The following ERICH3 variants were observed in gnomAD, a reference collection of about 807,000 sequenced individuals.
ERICH3 encodes the protein glutamate rich 3, also known as glutamate-rich protein 3.
Under a neutral mutation model 131.1 loss-of-function variants are expected in ERICH3, and 126 were observed. The observed-to-expected ratio is 0.96, with a 90% CI of 0.83 to 1.11. The LOEUF (loss-of-function observed/expected upper bound fraction) is 1.11, where lower values mean the gene tolerates loss of function less well. Ranked by LOEUF, ERICH3 falls within the 50% of genes most tolerant of loss-of-function variation. ERICH3 has a pLI of 0.00. For synonymous variants in ERICH3, 695 were observed against 644.6 expected, an observed-to-expected ratio of 1.08 and a Z score of -1.18; for missense variants, 2,050 against 1,810.7, an observed-to-expected ratio of 1.13 and a Z score of -2.40.
chr1:74,584,538 A>C (rs548316406), intron 12 of ERICH3, among the ~76,000 whole-genome samples: 20 of 152,260 alleles, frequency 1.3e-4, no homozygotes, highest in African/African-American at 4.6e-4. Context: ...TCTGCAGATG[A>C]CAGAGTGGCC....
chr1:74,638,957 C>G (rs563199834), intron 5 of ERICH3, among the ~76,000 whole-genome samples: 34 of 152,234 alleles, frequency 2.2e-4, no homozygotes, highest in African/African-American at 7.2e-4. Context: ...GGAGGAGACC[C>G]TTTTGTTTAT....
intron 12 of ERICH3, among the ~76,000 whole-genome samples, chr1:74,581,857 G>T (rs528545682): frequency 6.6e-6 from 1 of 152,132 alleles, no homozygotes; most frequent in African/African-American, 2.4e-5. Context: ...CCTCAAAAAC[G>T]TTAAGCTGAA....
chr1:74,653,769 A>C (rs1472217149), intron 1 of ERICH3, among the ~76,000 whole-genome samples: 1 of 152,092 alleles, frequency 6.6e-6, no homozygotes, highest in East Asian at 1.9e-4. Flanking sequence ...TGATAATGTT[A>C]TTTCTTCTGG....
chr1:74,641,454 C>T lies in ERICH3; in HGVS notation c.321G>A (p.Glu107=). ...RKERIQRFKG[E]HTRRSVENNM... The stretch of plus-strand genomic sequence containing the variant: ...TATTTTCAACAGACCTTCTTGTGTG[C>T]TCTCCCTAGAATAAGAAAGCAATTT... The change falls in exon 5 of 15, where the codon GAG becomes GAA. Residue 107 remains glutamate (E), a synonymous_variant. Coordinates refer to ENST00000326665, the MANE Select transcript of ERICH3 (RefSeq NM_001002912.5). 4 of 1,611,022 alleles carry T rather than the reference C, an allele frequency of 2.5e-6. No homozygotes were observed. Among genetic ancestry groups the T allele is most frequent in the Non-Finnish European group, 3.4e-6 (4 of 1,178,832 alleles).
In ERICH3 at chr1:74,590,021, C is replaced by T. The variant is rs770911964; in HGVS notation, c.1786G>A (p.Asp596Asn). Residue 596 changes from aspartate (D) to asparagine (N), a missense_variant, in exon 12 of 15, where the codon GAT (aspartate) becomes AAT (asparagine). By Grantham distance (23) the Asp-to-Asn change is conservative (BLOSUM62 1). Transcript: ENST00000326665. ...RSHPYSSDSE[D>N]ESAVGDREAH... ...TCCCTGTCCCCCACTGCAGATTCAT[C>T]CTCACTGTCACTAGAATAAGGGTGA... 6.2e-7 allele frequency: 1 copy of T among 1,613,758 alleles called. No individual in the cohort carries two copies. The highest frequency in any genetic ancestry group is 1.7e-5 in the Admixed American group (1 of 59,970).
Position 74,572,820 on chromosome 1 carries a change from A to T in ERICH3, c.2890T>A (p.Ser964Thr), listed in dbSNP as rs753759829. 6.2e-7 allele frequency: 1 copy of T among 1,613,376 alleles called. No homozygotes were observed. Among genetic ancestry groups the T allele is most frequent in the East Asian group, 2.2e-5 (1 of 44,846 alleles). Residue 964 changes from serine to threonine, a missense_variant, in exon 14 of 15, where the codon TCA (serine) becomes ACA (threonine). Physicochemically the swap from Ser to Thr is moderately conservative, Grantham distance 58. Transcript: ENST00000326665. Reference protein sequence around the residue: ...EDTGPMEDTASKREDGSEEAI... With the variant: ...EDTGPMEDTATKREDGSEEAI... ...TCTTCAGAACCGTCCTCTCTCTTTG[A>T]TGCTGTGTCCTCCATGGGTCCTGTG...
chr1:74,641,310 G>A (rs769972514), intron 5 of ERICH3, 21 bp downstream of exon 5: 38 of 1,607,738 alleles, frequency 2.4e-5, no homozygotes, highest in African/African-American at 2.7e-5. Flanking sequence ...ACTGCATGAC[G>A]AAGTGTTTAA....
At chr1:74,652,540 T>G (rs898724991) in intron 1 of ERICH3, among the ~76,000 whole-genome samples, 10 of 146,482 alleles carry the variant, frequency 6.8e-5, no homozygotes, top group African/African-American at 2.5e-4. Context: ...CCTTCACTTT[T>G]CTTTTCTTTT....
In ERICH3 at chr1:74,631,796, T is replaced by A. The variant is rs760850584; in HGVS notation, c.736A>T (p.Arg246Ter). 9 of 1,613,308 alleles carry A rather than the reference T, an allele frequency of 5.6e-6. No individual in the cohort carries two copies. Among genetic ancestry groups the A allele is most frequent in the Non-Finnish European group, 7.6e-6 (9 of 1,179,400 alleles). ...CTCCATGTTTCAGATCTATTTTCTC[T>A]TGTGATTTTCCCAGTTGGGGGAAGT... ...PPLPPTGKITRENRSETWRRR... is the reference protein window; with the variant it reads ...PPLPPTGKIT Residue 246 changes from arginine (R) to a stop codon, truncating the protein, a stop_gained, in exon 7 of 15, where the codon AGA becomes TGA. Coordinates refer to ENST00000326665, the MANE Select transcript of ERICH3 (RefSeq NM_001002912.5). LOFTEE classifies it high-confidence loss of function.
At chr1:74,662,981 T>A (rs1485674712) in intron 1 of ERICH3, among the ~76,000 whole-genome samples, 1 of 152,170 alleles carries the variant, frequency 6.6e-6, no homozygotes, top group African/African-American at 2.4e-5. Context: ...TGAGATCACA[T>A]CTCTAAAAAA....
intron 8 of ERICH3, among the ~76,000 whole-genome samples, chr1:74,619,591 C>T (rs937264082): frequency 8.5e-5 from 13 of 152,142 alleles, no homozygotes; most frequent in African/African-American, 2.4e-4. Context: ...GCCAGGGGCT[C>T]GGGATTTGCT....
intron 8 of ERICH3, among the ~76,000 whole-genome samples, chr1:74,613,382 A>T (rs898830493): frequency 1.3e-5 from 2 of 152,204 alleles, no homozygotes; most frequent in Non-Finnish European, 2.9e-5. Context: ...GACTTAGAAG[A>T]GTTCAGTAAT....
At chr1:74,643,219 A>C (rs1327151644) in intron 3 of ERICH3, 121 bp from the exon 4 acceptor site, 11 of 663,502 alleles carry the variant, frequency 1.7e-5, no homozygotes, top group Admixed American at 2.9e-5. Context: ...ATTGAGATGG[A>C]GAAGAATCAT....
chr1:74,591,738 T>TA lies in ERICH3; in HGVS notation c.1727-1659dup, dbSNP rs527461753. 4.1e-3 allele frequency among the ~76,000 whole-genome samples: 618 copies of TA among 152,250 alleles called. 6 individuals carry two copies. The highest frequency in any genetic ancestry group is 3.5e-3 in the Non-Finnish European group (238 of 68,016). ...ATCTCAATAAGGAAGCTGGACAGCA[T>TA]AAAAAATCACTGCATACATTGCTAC... On this transcript the variant is annotated intron_variant, in intron 11 of 14. Coordinates refer to ENST00000326665, the MANE Select transcript of ERICH3 (RefSeq NM_001002912.5).
At chr1:74,601,660 A>G (rs1302198815) in intron 10 of ERICH3, among the ~76,000 whole-genome samples, 2 of 151,970 alleles carry the variant, frequency 1.3e-5, no homozygotes, top group East Asian at 3.9e-4. Context: ...ACATACATAT[A>G]TCACACTACA....
intron 7 of ERICH3, among the ~76,000 whole-genome samples, chr1:74,627,446 A>G (rs1038025591): frequency 2.0e-4 from 31 of 152,178 alleles, no homozygotes; most frequent in African/African-American, 7.0e-4. Flanking sequence ...AAGTTAAAAA[A>G]AAACTAAGAT....
At chr1:74,570,885 C>T (rs1367394684) in intron 14 of ERICH3, among the ~76,000 whole-genome samples, 1 of 152,150 alleles carries the variant, frequency 6.6e-6, no homozygotes, top group Admixed American at 6.5e-5. Flanking sequence ...ACTTGCCACA[C>T]CGGGAAGAGC....
intron 9 of ERICH3, among the ~76,000 whole-genome samples, chr1:74,610,527 C>A (rs551621746): frequency 6.6e-6 from 1 of 150,732 alleles, no homozygotes; most frequent in South Asian, 2.1e-4. Context: ...AAATTTCCAC[C>A]CTTTATGTCA....
intron 13 of ERICH3, among the ~76,000 whole-genome samples, chr1:74,575,411 T>G (rs1292718474): frequency 6.6e-6 from 1 of 152,258 alleles, no homozygotes; most frequent in African/African-American, 2.4e-5. Flanking sequence ...TCACAGCAGT[T>G]ATTTCCTAAC....
Sources: gnomAD v4.1 joint callset for allele counts (sites outside exome capture counted in the v4.1 genomes callset) on GRCh38, gnomAD v4.1.1 for gene constraint, MANE v1.5 for transcripts, NCBI Gene and HGNC (gene_info 2026-07-23, HGNC 2026-07-21) for gene names.